SNX25: variants seen among roughly 807,000 people sequenced by gnomAD.
SNX25 encodes the protein sorting nexin 25, also known as sorting nexin-25.
SNX25 carries 62 observed loss-of-function variants against 113.7 expected under a neutral mutation model. The observed-to-expected ratio is 0.55, with a 90% CI of 0.44 to 0.67. The LOEUF is 0.67. SNX25 is among the 30% of genes least tolerant of loss of function. The pLI, the probability that SNX25 is intolerant of heterozygous loss-of-function variation, is 0.00. For missense variants in SNX25, 1,014 were observed against 1,161.0 expected (o/e 0.87, Z 1.84); for synonymous variants, 421 against 436.2 (o/e 0.97, Z 0.43).
chr4:185,315,702 A>G (rs990405660), intron 7 of SNX25, among the ~76,000 whole-genome samples: 5 of 152,170 alleles, frequency 3.3e-5, no homozygotes, highest in Non-Finnish European at 7.3e-5. Context: ...GGAGGAGACT[A>G]GCACAATTCT....
intron 14 of SNX25, chr4:185,353,273 A>T: frequency 4.5e-6 from 2 of 441,132 alleles, no homozygotes; most frequent in Non-Finnish European, 4.0e-6. Flanking sequence ...TTTTTTTTAA[A>T]TTAGCTTATT....
At chr4:185,264,785 C>T (rs916062869) in intron 4 of SNX25, among the ~76,000 whole-genome samples, 175 bp downstream of exon 4, 7 of 152,114 alleles carry the variant, frequency 4.6e-5, no homozygotes, top group Non-Finnish European at 7.4e-5. Context: ...TATGACATAT[C>T]GCCAAATGCA....
At chr4:185,356,155 G>C (rs2095337943) in intron 15 of SNX25, among the ~76,000 whole-genome samples, 1 of 152,112 alleles carries the variant, frequency 6.6e-6, no homozygotes, top group South Asian at 2.1e-4. Flanking sequence ...GCGTGTGTGT[G>C]TGTGTGTATC....
intron 14 of SNX25, 98 bp from the exon 15 acceptor site, chr4:185,353,387 G>T: frequency 1.2e-6 from 1 of 837,452 alleles, no homozygotes; most frequent in South Asian, 1.6e-5. Context: ...GCTAAAATAC[G>T]AGCAGATAGT....
chr4:185,293,870 C>G (rs746113157), intron 6 of SNX25, among the ~76,000 whole-genome samples: 1 of 151,916 alleles, frequency 6.6e-6, no homozygotes, highest in Non-Finnish European at 1.5e-5. Context: ...AAAACACGAT[C>G]GTTTATAAAC....
chr4:185,378,020 A>C, the SNX25 span: 4 of 1,294,646 alleles, frequency 3.1e-6, no homozygotes, highest in African/African-American at 1.5e-5. Flanking sequence ...CGTTTGCTCT[A>C]GCATGCAAAA....
chr4:185,234,766 T>C (rs3108277), intron 1 of SNX25, among the ~76,000 whole-genome samples: 97,450 of 150,084 alleles, frequency 0.65, 32,064 homozygotes, highest in East Asian at 0.76. Flanking sequence ...TTATAATTGT[T>C]AAAGCACTTT....
chr4:185,307,174 TG>T (rs1189414720), intron 6 of SNX25, among the ~76,000 whole-genome samples: 2 of 152,236 alleles, frequency 1.3e-5, no homozygotes, highest in African/African-American at 4.8e-5. Context: ...CTGAGTGCTA[TG>T]TTATACATTT....
chr4:185,234,870 G>A (rs2126425018), intron 1 of SNX25, among the ~76,000 whole-genome samples: 1 of 152,296 alleles, frequency 6.6e-6, no homozygotes, highest in East Asian at 1.9e-4. Flanking sequence ...TCTCAGAGAG[G>A]TGGACATGTT....
chr4:185,238,056 C>G (rs1481121308), intron 1 of SNX25, among the ~76,000 whole-genome samples: 3 of 106,156 alleles, frequency 2.8e-5, no homozygotes, highest in Non-Finnish European at 3.9e-5. Flanking sequence ...GAGCGAGACT[C>G]CATCTCAAAA....
In SNX25 at chr4:185,274,338, C is replaced by T. The variant is rs980785276; in HGVS notation, c.1091+7183C>T. 7.9e-5 allele frequency among the ~76,000 whole-genome samples: 12 copies of T among 152,256 alleles called. No homozygotes were observed. The East Asian group carries it at 1.4e-3, about 17-fold the overall frequency. ...CCTCCCAAAGTGCTGGGATTACAGG[C>T]GTGAGCCACCATGCCCAGCCAACAC... is the stretch of plus-strand genomic sequence containing the variant. On this transcript the variant is annotated intron_variant, in intron 5 of 18. Transcript: ENST00000652585.
intron 6 of SNX25, among the ~76,000 whole-genome samples, chr4:185,299,812 C>T (rs1753376099): frequency 1.3e-5 from 2 of 152,074 alleles, no homozygotes; most frequent in South Asian, 4.1e-4. Flanking sequence ...TGTTCTGAAT[C>T]CTGACATGTT....
chr4:185,295,995 G>T (rs1752786507), intron 6 of SNX25: 1 of 152,144 alleles, frequency 6.6e-6, no homozygotes. Flanking sequence ...CTGGAGTTTG[G>T]GAATCCAGGA....
chr4:185,267,185 C>T (rs147644007), intron 5 of SNX25, 30 bp downstream of exon 5: 83 of 1,579,564 alleles, frequency 5.3e-5, no homozygotes, highest in Middle Eastern at 1.7e-4. Flanking sequence ...AGCACAGCAA[C>T]AGCTACTGAT....
intron 3 of SNX25, among the ~76,000 whole-genome samples, chr4:185,262,240 C>A (rs1579523989): frequency 6.6e-6 from 1 of 152,194 alleles, no homozygotes; most frequent in Non-Finnish European, 1.5e-5. Flanking sequence ...GTGTTTATTT[C>A]TAGGCCATCA....
At chr4:185,374,175 C>T (rs1256237655), downstream of SNX25, 1 of 1,614,056 alleles carries the variant, frequency 6.2e-7, no homozygotes, top group Non-Finnish European at 8.5e-7. Context: ...GTAATACAGC[C>T]CGAGCATACT....
downstream of SNX25, chr4:185,367,361 A>C: frequency 2.3e-6 from 2 of 884,816 alleles, no homozygotes. Context: ...AGTGAATTTC[A>C]AGAAAATTTG....
At chr4:185,309,048 G>A (rs1249266964) in intron 6 of SNX25, among the ~76,000 whole-genome samples, 1 of 152,228 alleles carries the variant, frequency 6.6e-6, no homozygotes, top group African/African-American at 2.4e-5. Flanking sequence ...TCTGTGTCAC[G>A]TGACGTCAGC....
chr4:185,230,076 C>T (rs1214358804), intron 1 of SNX25, among the ~76,000 whole-genome samples: 2 of 152,266 alleles, frequency 1.3e-5, no homozygotes, highest in South Asian at 2.1e-4. Flanking sequence ...GTCAAGGGCC[C>T]ACCTTAGCCT....
Sources: gnomAD v4.1 joint callset for allele counts (sites outside exome capture counted in the v4.1 genomes callset) on GRCh38, gnomAD v4.1.1 for gene constraint, MANE v1.5 for transcripts, NCBI Gene and HGNC (gene_info 2026-07-23, HGNC 2026-07-21) for gene names.